RPS6KC1: variants seen among roughly 807,000 people sequenced by gnomAD.
RPS6KC1 encodes the protein inactive ribosomal protein S6 kinase delta-1.
RPS6KC1 carries 54 observed loss-of-function variants against 103.8 expected under a neutral mutation model. The observed-to-expected ratio is 0.52, with a 90% CI of 0.42 to 0.65. The LOEUF (loss-of-function observed/expected upper bound fraction) is 0.65. Among genes scored for constraint, RPS6KC1 ranks in the 30% least tolerant of loss-of-function variants. The probability of loss-of-function intolerance (pLI) is 0.00; values close to 1 mark genes in which losing one functional copy is unlikely to be tolerated. For synonymous variants in RPS6KC1, 439 were observed against 438.7 expected, an observed-to-expected ratio of 1.00 and a Z score of -0.01; for missense variants, 1,151 against 1,253.8, an observed-to-expected ratio of 0.92 and a Z score of 1.24.
the RPS6KC1 span, among the ~76,000 whole-genome samples, chr1:213,630,473 C>T: frequency 3.5e-4 from 54 of 152,242 alleles, 1 homozygote; most frequent in African/African-American, 1.1e-3. Context: ...TCTAGTTAGC[C>T]ATTCATCTAA....
the RPS6KC1 span, among the ~76,000 whole-genome samples, chr1:213,393,860 A>C: frequency 6.6e-6 from 1 of 152,202 alleles, no homozygotes; most frequent in Admixed American, 6.5e-5. Context: ...AGCTTGCTTA[A>C]TAAAAATGGA....
chr1:213,318,184 G>T, the RPS6KC1 span, among the ~76,000 whole-genome samples: 1 of 152,362 alleles, frequency 6.6e-6, no homozygotes, highest in South Asian at 2.1e-4. Context: ...TTTCTCTCCA[G>T]TGTGAGTATC....
At chr1:213,289,922 C>A in the RPS6KC1 span, among the ~76,000 whole-genome samples, 1 of 151,962 alleles carries the variant, frequency 6.6e-6, no homozygotes, top group Non-Finnish European at 1.5e-5. Context: ...GCCTGTGATC[C>A]CAGCTACTCG....
At chr1:213,392,782 A>G in the RPS6KC1 span, among the ~76,000 whole-genome samples, 5 of 152,314 alleles carry the variant, frequency 3.3e-5, no homozygotes, top group Non-Finnish European at 5.9e-5. Context: ...TTTGGATGCA[A>G]TACCAACGCA....
At chr1:213,537,598 C>A in the RPS6KC1 span, among the ~76,000 whole-genome samples, 3 of 152,174 alleles carry the variant, frequency 2.0e-5, no homozygotes, top group African/African-American at 7.2e-5. Context: ...TGTCCCCTCA[C>A]CTACCAGGAG....
At chr1:213,423,000 A>G in the RPS6KC1 span, among the ~76,000 whole-genome samples, 62 of 152,340 alleles carry the variant, frequency 4.1e-4, no homozygotes, top group Middle Eastern at 6.8e-3. Context: ...AAAAACCTGG[A>G]GTTTCACTAG....
the RPS6KC1 span, among the ~76,000 whole-genome samples, chr1:213,287,831 C>A: frequency 6.6e-6 from 1 of 152,224 alleles, no homozygotes. Context: ...GCTAGCACCA[C>A]TGGGGCTCTA....
At chr1:213,253,796 C>G (rs974101599) in intron 12 of RPS6KC1, among the ~76,000 whole-genome samples, 1 of 152,132 alleles carries the variant, frequency 6.6e-6, no homozygotes, top group African/African-American at 2.4e-5. Context: ...TTTCCTTTCC[C>G]ATCGCTATAT....
At chr1:213,218,569 C>T (rs2093734108) in intron 8 of RPS6KC1, among the ~76,000 whole-genome samples, 1 of 152,310 alleles carries the variant, frequency 6.6e-6, no homozygotes, top group South Asian at 2.1e-4. Context: ...CCAAGTCAAT[C>T]CTAAGCCAAA....
the RPS6KC1 span, among the ~76,000 whole-genome samples, chr1:213,352,507 A>G: frequency 1.3e-5 from 2 of 152,182 alleles, no homozygotes; most frequent in Admixed American, 6.6e-5. Flanking sequence ...AGGGGCCACA[A>G]TATTGTAAGA....
chr1:213,064,291 A>T (rs549177725), intron 1 of RPS6KC1, among the ~76,000 whole-genome samples: 24 of 151,702 alleles, frequency 1.6e-4, no homozygotes, highest in African/African-American at 5.6e-4. Context: ...TTGTGACCTC[A>T]GGTGATCCAC....
chr1:213,438,536 A>G, the RPS6KC1 span, among the ~76,000 whole-genome samples: 3 of 152,152 alleles, frequency 2.0e-5, no homozygotes, highest in Non-Finnish European at 4.4e-5. Flanking sequence ...CCTTTCTGGC[A>G]TCTCAACTGA....
intron 3 of RPS6KC1, among the ~76,000 whole-genome samples, chr1:213,084,424 C>G (rs2080193105): frequency 6.6e-6 from 1 of 152,048 alleles, no homozygotes; most frequent in Non-Finnish European, 1.5e-5. Flanking sequence ...TGTGAGCCAC[C>G]ACACCTGGCC....
the RPS6KC1 span, among the ~76,000 whole-genome samples, chr1:213,749,157 T>C: frequency 1.3e-5 from 2 of 152,196 alleles, no homozygotes; most frequent in African/African-American, 4.8e-5. Context: ...TACTCCACAC[T>C]GAGCCCATGG....
At chr1:213,162,973 A>C (rs922583002) in intron 6 of RPS6KC1, among the ~76,000 whole-genome samples, 7 of 152,244 alleles carry the variant, frequency 4.6e-5, no homozygotes, top group Middle Eastern at 3.2e-3. Context: ...GGAAAGACTG[A>C]TGGCTTCAGA....
chr1:213,058,749 T>G (rs762617828), intron 1 of RPS6KC1, among the ~76,000 whole-genome samples: 5 of 152,192 alleles, frequency 3.3e-5, no homozygotes, highest in African/African-American at 7.2e-5. Flanking sequence ...TTCCTTTGCT[T>G]TTTCATATAT....
chr1:213,598,153 C>A, the RPS6KC1 span, among the ~76,000 whole-genome samples: 2 of 152,274 alleles, frequency 1.3e-5, no homozygotes, highest in Admixed American at 1.3e-4. Context: ...GAAAGCATAT[C>A]TTTGTCCTTC....
the RPS6KC1 span, among the ~76,000 whole-genome samples, chr1:213,731,211 G>A: frequency 0.81 from 123,926 of 152,178 alleles, 51,128 homozygotes; most frequent in African/African-American, 0.95. Flanking sequence ...CTTTTTGCTT[G>A]GTATTGCCTT....
chr1:213,573,658 C>A, the RPS6KC1 span, among the ~76,000 whole-genome samples: 2 of 152,114 alleles, frequency 1.3e-5, no homozygotes, highest in Non-Finnish European at 2.9e-5. Context: ...GGAACAAAAC[C>A]CAGTTACTGG....
Sources: allele counts gnomAD v4.1 joint callset (sites outside exome capture counted in the v4.1 genomes callset), GRCh38; gene constraint gnomAD v4.1.1; transcripts MANE v1.5; gene names NCBI Gene and HGNC (gene_info 2026-07-23, HGNC 2026-07-21).